The following PTPRD variants were observed in gnomAD, a reference collection of about 807,000 sequenced individuals.
The protein encoded by PTPRD is receptor-type tyrosine-protein phosphatase delta.
A neutral mutation model predicts 214.5 loss-of-function variants in PTPRD; 34 were observed. That is an observed-to-expected ratio of 0.16 (90% CI 0.12 to 0.21). The LOEUF is 0.21. Among genes scored for constraint, PTPRD ranks in the 10% least tolerant of loss-of-function variants. The probability of loss-of-function intolerance (pLI) is 1.00; values close to 1 mark genes in which losing one functional copy is unlikely to be tolerated. For synonymous variants in PTPRD, 1,128 were observed against 845.7 expected (o/e 1.33, Z -5.79); for missense variants, 2,545 against 2,398.7 (o/e 1.06, Z -1.27).
intron 6 of PTPRD, among the ~76,000 whole-genome samples, chr9:9,735,811 A>G (rs1165184737): frequency 6.6e-6 from 1 of 152,172 alleles, no homozygotes; most frequent in African/African-American, 2.4e-5. Flanking sequence ...ACGACCTAAG[A>G]AAATAATCTG....
chr9:8,951,138 A>AGTGTGTGTGT (rs56212369), intron 11 of PTPRD, among the ~76,000 whole-genome samples: 26,736 of 147,040 alleles, frequency 0.18, 2,584 homozygotes, highest in African/African-American at 0.22. Flanking sequence ...TAGGAAAAAG[A>AGTGTGTGTGT]GTGTGTGTGT....
chr9:8,974,923 C>T (rs1379030484), intron 11 of PTPRD, among the ~76,000 whole-genome samples: 1 of 151,394 alleles, frequency 6.6e-6, no homozygotes, highest in African/African-American at 2.4e-5. Context: ...ATCGTGAAAC[C>T]CCGTCTGTAC....
At chr9:9,366,979 C>A (rs914102357) in intron 9 of PTPRD, among the ~76,000 whole-genome samples, 3 of 150,194 alleles carry the variant, frequency 2.0e-5, no homozygotes, top group Admixed American at 6.7e-5. Flanking sequence ...AAATGTCCTG[C>A]GAAATTTGGT....
At chr9:8,578,190 T>C (rs1208135596) in intron 14 of PTPRD, among the ~76,000 whole-genome samples, 2 of 152,152 alleles carry the variant, frequency 1.3e-5, no homozygotes, top group Non-Finnish European at 2.9e-5. Context: ...GCATTGCCAA[T>C]AGTTTTCTTA....
chr9:9,614,484 A>G (rs2094729542), intron 7 of PTPRD, among the ~76,000 whole-genome samples: 1 of 152,214 alleles, frequency 6.6e-6, no homozygotes, highest in South Asian at 2.1e-4. Flanking sequence ...TGCAAAACAT[A>G]TTAAATGGAT....
chr9:8,524,738 A>G (rs2097973087), intron 18 of PTPRD, 187 bp downstream of exon 18: 2 of 734,488 alleles, frequency 2.7e-6, no homozygotes, highest in Non-Finnish European at 2.5e-6. Context: ...TATACTCAAG[A>G]GTTGTCTTTT....
intron 11 of PTPRD, among the ~76,000 whole-genome samples, chr9:8,792,155 G>A (rs946009495): frequency 6.6e-6 from 1 of 151,584 alleles, no homozygotes; most frequent in African/African-American, 2.4e-5. Context: ...TAGATTGAGG[G>A]GATAATGCAT....
intron 10 of PTPRD, among the ~76,000 whole-genome samples, chr9:9,159,167 G>C (rs12341358): frequency 0.31 from 47,344 of 151,958 alleles, 7,998 homozygotes; most frequent in Non-Finnish European, 0.38. Context: ...TGCCAAATTT[G>C]ACAACTTCCT....
Position 9,306,156 on chromosome 9 carries a change from A to G in PTPRD, c.-203+91293T>C, listed in dbSNP as rs543285000. ...TTGCCTTTGGCCAAGTGGAAATTCT[A>G]TGAGTAAAAACATGTTTGACATTAT... On this transcript the variant is annotated intron_variant, in intron 9 of 45. Coordinates refer to ENST00000381196, the MANE Select transcript of PTPRD (RefSeq NM_002839.4). 6.6e-5 allele frequency among the ~76,000 whole-genome samples: 10 copies of G among 152,280 alleles called. No homozygotes were observed. The East Asian group carries it at 1.5e-3, about 24-fold the overall frequency.
chr9:9,762,076 G>C (rs1370360896), intron 6 of PTPRD, among the ~76,000 whole-genome samples: 2 of 152,144 alleles, frequency 1.3e-5, no homozygotes, highest in African/African-American at 4.8e-5. Context: ...CGAATCCCAA[G>C]GCTATAGGAA....
intron 11 of PTPRD, among the ~76,000 whole-genome samples, chr9:8,852,355 A>T (rs1446823205): frequency 6.6e-6 from 1 of 152,230 alleles, no homozygotes; most frequent in Non-Finnish European, 1.5e-5. Flanking sequence ...CCATGTGGCA[A>T]AGGTCACTAT....
chr9:10,154,444 T>C (rs1157040181), intron 3 of PTPRD, among the ~76,000 whole-genome samples: 1 of 152,194 alleles, frequency 6.6e-6, no homozygotes, highest in African/African-American at 2.4e-5. Context: ...TTTCTTTTGT[T>C]GTGCAGAAGT....
chr9:9,695,230 C>T (rs974964490), intron 7 of PTPRD, among the ~76,000 whole-genome samples: 14 of 152,124 alleles, frequency 9.2e-5, no homozygotes. Context: ...CATTTTGGCC[C>T]AGAGTGTGTC....
intron 11 of PTPRD, among the ~76,000 whole-genome samples, chr9:8,989,546 C>T (rs1576685): frequency 0.99 from 150,381 of 152,210 alleles, 74,322 homozygotes; most frequent in Middle Eastern, 1. Flanking sequence ...TTAATTCCTC[C>T]TATGGCTGAA....
At chr9:9,981,973 G>C (rs146623899) in intron 4 of PTPRD, among the ~76,000 whole-genome samples, 2 of 152,164 alleles carry the variant, frequency 1.3e-5, no homozygotes, top group African/African-American at 2.4e-5. Flanking sequence ...CACATTATTA[G>C]GTGATAAAAA....
At chr9:10,201,935 A>G (rs944311911) in intron 3 of PTPRD, among the ~76,000 whole-genome samples, 1 of 151,960 alleles carries the variant, frequency 6.6e-6, no homozygotes, top group African/African-American at 2.4e-5. Context: ...ACGTTCTCCA[A>G]GTTTTCTACA....
intron 3 of PTPRD, among the ~76,000 whole-genome samples, chr9:10,339,569 G>C (rs1421584765): frequency 6.6e-6 from 1 of 151,636 alleles, no homozygotes; most frequent in Non-Finnish European, 1.5e-5. Flanking sequence ...TTTCAAGATG[G>C]ATCGGCAAGA....
intron 10 of PTPRD, among the ~76,000 whole-genome samples, chr9:9,021,272 A>G (rs1316688096): frequency 6.6e-6 from 1 of 152,186 alleles, no homozygotes; most frequent in African/African-American, 2.4e-5. Flanking sequence ...AGCTTATAAC[A>G]GAGCTGAAAA....
At chr9:10,472,359 G>C (rs905727406) in intron 2 of PTPRD, among the ~76,000 whole-genome samples, 4 of 152,058 alleles carry the variant, frequency 2.6e-5, no homozygotes, top group Non-Finnish European at 4.4e-5. Flanking sequence ...TATTTGTTAA[G>C]TTTCACATTA....
Sources: gnomAD v4.1 joint callset for allele counts (sites outside exome capture counted in the v4.1 genomes callset) on GRCh38, gnomAD v4.1.1 for gene constraint, MANE v1.5 for transcripts, NCBI Gene and HGNC (gene_info 2026-07-23, HGNC 2026-07-21) for gene names.